PIGZ: variants seen among roughly 807,000 people sequenced by gnomAD.
PIGZ encodes phosphatidylinositol glycan anchor biosynthesis class Z (Gwada blood group).
Under a neutral mutation model 16.4 loss-of-function variants are expected in PIGZ, and 16 were observed. That is an observed-to-expected ratio of 0.97 (90% CI 0.66 to 1.48). PIGZ has a LOEUF of 1.48. Ranked by LOEUF, PIGZ falls within the 40% of genes most tolerant of loss-of-function variation. The pLI, the probability that PIGZ is intolerant of heterozygous loss-of-function variation, is 0.00. For missense variants in PIGZ, 770 were observed against 739.2 expected (o/e 1.04, Z -0.48); for synonymous variants, 409 against 338.4 (o/e 1.21, Z -2.29).
rs1307743232 is a variant in PIGZ at position 196,948,927 on chromosome 3, CCCTTTACTTCCCTT to C, written c.212-256_212-243del. Among the ~76,000 whole-genome samples the C allele has an allele frequency of 5.3e-4, 7 of 13,086 alleles. 1 individual carries two copies. Among genetic ancestry groups the C allele is most frequent in the Non-Finnish European group, 7.9e-4 (7 of 8,882 alleles). The allele number at this position is 13,086 out of a possible 152,430, so 8.6% of individuals were successfully genotyped here. On this transcript the variant is annotated intron_variant, in intron 2 of 2. Coordinates refer to ENST00000412723, the MANE Select transcript of PIGZ (RefSeq NM_025163.4). ...TCCCCTCCCCTCCCTTCCCTTCCTT[CCCTTTACTTCCCTT>C]CCTTCCCCTCCCCTCCCTTCCTTCC...
At position 196,948,219 on chromosome 3, in the gene PIGZ, G is replaced by A; in HGVS notation, c.678C>T (p.Asn226=). ...LGGIVAAGFF[N]RPTFLAFAVV... is the part of the protein sequence containing the mutation. ...CAGCAAAGGCCAGAAAGGTGGGCCG[G>A]TTGAAGAAGCCAGCAGCCACAATGC... is the stretch of plus-strand genomic sequence containing the variant. Residue 226 remains asparagine (N), a synonymous_variant, in exon 3 of 3, where the codon AAC becomes AAT. Coordinates refer to ENST00000412723, the MANE Select transcript of PIGZ (RefSeq NM_025163.4). 6.2e-7 allele frequency: 1 copy of A among 1,614,202 alleles called. No individual in the cohort carries two copies. Among genetic ancestry groups the A allele is most frequent in the Non-Finnish European group, 8.5e-7 (1 of 1,180,036 alleles).
Position 196,948,270 on chromosome 3 carries a change from TGGACCCGGC to T in PIGZ, c.618_626del (p.Pro207_Pro209del), listed in dbSNP as rs1031467639. The T allele has an allele frequency of 6.2e-7, 1 of 1,614,142 alleles. No homozygotes were observed. Among genetic ancestry groups the T allele is most frequent in the Non-Finnish European group, 8.5e-7 (1 of 1,180,014 alleles). On this transcript the variant is annotated inframe_deletion, in exon 3 of 3. Transcript: ENST00000412723. Reference sequence around the variant, plus strand: ...CTCCAAGAAGCCAGCTGCGCCACCGTGGACCCGGCGCCGGCTCCTTGCGTGTAGGGCCCC... The same window carrying T: ...CTCCAAGAAGCCAGCTGCGCCACCGTGCCGGCTCCTTGCGTGTAGGGCCCC...
intron 1 of PIGZ, among the ~76,000 whole-genome samples, chr3:196,957,623 G>A (rs953433101): frequency 6.6e-6 from 1 of 152,020 alleles, no homozygotes; most frequent in Non-Finnish European, 1.5e-5. Context: ...CTCGTGATCC[G>A]CCGGCCTCAG....
intron 2 of PIGZ, among the ~76,000 whole-genome samples, chr3:196,949,045 T>TC (rs1355288402): frequency 5.0e-5 from 3 of 60,010 alleles, no homozygotes; most frequent in African/African-American, 2.7e-4. Context: ...CTTCCTTCCT[T>TC]CCCTTCCCTT....
chr3:196,954,601 A>G (rs1164385748), intron 1 of PIGZ, among the ~76,000 whole-genome samples: 1 of 151,634 alleles, frequency 6.6e-6, no homozygotes, highest in Non-Finnish European at 1.5e-5. Flanking sequence ...TTTATTTCAG[A>G]TTTTTTGCTA....
chr3:196,950,646 G>C (rs572489698), intron 2 of PIGZ, among the ~76,000 whole-genome samples: 4 of 152,262 alleles, frequency 2.6e-5, no homozygotes, highest in Admixed American at 6.5e-5. Context: ...AGGGAAAGAA[G>C]ATGAGCCTTT....
Position 196,956,245 on chromosome 3 carries a change from C to T in PIGZ, c.1-4214G>A, listed in dbSNP as rs148184645. ...TATATGCTGCTGATAAAGACATACC[C>T]GAAACTGGGTAATTTATAAAGGAAA... On this transcript the variant is annotated intron_variant, in intron 1 of 2. Transcript: ENST00000412723. Among the ~76,000 whole-genome samples, 387 of 152,170 alleles carry T rather than the reference C, an allele frequency of 2.5e-3. 6 individuals are homozygous for T. The highest frequency in any genetic ancestry group is 0.017 in the Admixed American group (264 of 15,264).
chr3:196,948,888 C>CCCTTCCCCTCCCCTCCCTT (rs1491233513), intron 2 of PIGZ, among the ~76,000 whole-genome samples: 2 of 10,744 alleles, frequency 1.9e-4, no homozygotes, highest in Non-Finnish European at 3.1e-4. Context: ...TCCCTTCCTT[C>CCCTTCCCCTCCCCTCCCTT]CCCTTCCTTC....
chr3:196,960,337 G>A (rs1221787839), intron 1 of PIGZ, among the ~76,000 whole-genome samples: 1 of 152,124 alleles, frequency 6.6e-6, no homozygotes, highest in South Asian at 2.1e-4. Flanking sequence ...AGAAGTGGCT[G>A]TAGCCAATAG....
chr3:196,949,001 CTTCT>C (rs1717134046), intron 2 of PIGZ, among the ~76,000 whole-genome samples: 2 of 36,112 alleles, frequency 5.5e-5, no homozygotes, highest in African/African-American at 3.3e-4. Flanking sequence ...CTTCCCTTTA[CTTCT>C]CTTTCCCTCC....
At chr3:196,952,635 A>G (rs1717334822) in intron 1 of PIGZ, among the ~76,000 whole-genome samples, 1 of 152,142 alleles carries the variant, frequency 6.6e-6, no homozygotes, top group Non-Finnish European at 1.5e-5. Flanking sequence ...ACGGGGTTTC[A>G]TCATGTTGGT....
At chr3:196,954,010 C>T (rs765246826) in intron 1 of PIGZ, among the ~76,000 whole-genome samples, 4 of 148,442 alleles carry the variant, frequency 2.7e-5, no homozygotes, top group African/African-American at 5.0e-5. Context: ...AAGCCAGGTG[C>T]GGTGGCTCAC....
At chr3:196,964,461 G>A (rs915272434) in intron 1 of PIGZ, among the ~76,000 whole-genome samples, 3 of 151,254 alleles carry the variant, frequency 2.0e-5, no homozygotes, top group East Asian at 2.0e-4. Context: ...AGGTTCAAGC[G>A]ATTCTTCTGC....
intron 2 of PIGZ, 21 bp downstream of exon 2, chr3:196,951,800 G>C (rs980084203): frequency 3.7e-6 from 6 of 1,612,410 alleles, no homozygotes; most frequent in Non-Finnish European, 5.1e-6. Flanking sequence ...GCTTGTCTCA[G>C]CCACACATGC....
intron 2 of PIGZ, 144 bp from the exon 3 acceptor site, chr3:196,948,829 CCT>C: frequency 2.4e-6 from 1 of 425,318 alleles, no homozygotes; most frequent in Non-Finnish European, 3.8e-6. Context: ...ATTTTTCCTC[CCT>C]TCCCTCCCTC....
At position 196,965,721 on chromosome 3, in the gene PIGZ, G is replaced by C. The variant is rs1717898182; in HGVS notation, c.-1+2966C>G. On this transcript the variant is annotated intron_variant, in intron 1 of 2. Transcript: ENST00000412723. The surrounding 1 kb of genome is among the most constrained non-coding windows in gnomAD (Gnocchi z 4.2). ...GCTGTGCAGAATCTTTGGATGGCTGGAGGCCCTGGGTTGGTTGTTTCTGTT... is the reference window on the plus strand; with the variant it reads ...GCTGTGCAGAATCTTTGGATGGCTGCAGGCCCTGGGTTGGTTGTTTCTGTT... Among the ~76,000 whole-genome samples the C allele has an allele frequency of 6.6e-6, 1 of 152,140 alleles. No homozygotes were observed. The highest frequency in any genetic ancestry group is 2.4e-5 in the African/African-American group (1 of 41,418).
rs1717055557 is a variant in PIGZ at position 196,948,619 on chromosome 3, ACCGAGCG to A, written c.271_277del (p.Arg91CysfsTer6). The A allele has an allele frequency of 2.0e-6, 3 of 1,524,274 alleles. No individual in the cohort carries two copies. Among genetic ancestry groups the A allele is most frequent in the Non-Finnish European group, 2.6e-6 (3 of 1,139,266 alleles). 94.4% of individuals were successfully genotyped at this position (1,524,274 alleles called of 1,614,324 possible). ...ACCAGAGATCAGCAGGGGGAAGAGC[ACCGAGCG>A]GCAGGAGCTGCTGGGGTAAAACTCC... On this transcript the variant is annotated frameshift_variant, in exon 3 of 3. Coordinates refer to ENST00000412723, the MANE Select transcript of PIGZ (RefSeq NM_025163.4). LOFTEE classifies it low-confidence loss of function (END_TRUNC).
At chr3:196,961,656 G>C (rs168047) in intron 1 of PIGZ, among the ~76,000 whole-genome samples, 2 of 152,056 alleles carry the variant, frequency 1.3e-5, no homozygotes, top group Non-Finnish European at 2.9e-5. Context: ...GTCCCTTGCC[G>C]CTTCTCAGGT....
chr3:196,968,614 C>T (rs1039800166), intron 1 of PIGZ, 73 bp downstream of exon 1: 3 of 152,330 alleles, frequency 2.0e-5, no homozygotes, highest in African/African-American at 7.2e-5. Context: ...AAGGTGGGAA[C>T]GCGGCCGACT....
Sources: gnomAD v4.1 joint callset for allele counts (sites outside exome capture counted in the v4.1 genomes callset) on GRCh38, gnomAD v4.1.1 for gene constraint, Gnocchi (gnomAD v3.1) non-coding constraint, MANE v1.5 for transcripts, NCBI Gene and HGNC (gene_info 2026-07-23, HGNC 2026-07-21) for gene names.